SLC24A2: variants seen among roughly 807,000 people sequenced by gnomAD.
The protein encoded by SLC24A2 is solute carrier family 24 member 2, also known as sodium/potassium/calcium exchanger 2.
SLC24A2 carries 36 observed loss-of-function variants against 62.0 expected under a neutral mutation model. The ratio of observed to expected loss-of-function variants is 0.58; its 90% CI spans 0.44 to 0.77. SLC24A2 has a LOEUF of 0.77. Among genes scored for constraint, SLC24A2 ranks in the 30% least tolerant of loss-of-function variants. The pLI, the probability that SLC24A2 is intolerant of heterozygous loss-of-function variation, is 0.00. For missense variants in SLC24A2, 846 were observed against 817.9 expected (o/e 1.03, Z -0.42); for synonymous variants, 358 against 294.0 (o/e 1.22, Z -2.23).
At chr9:19,774,570 G>A (rs577591203) in intron 2 of SLC24A2, among the ~76,000 whole-genome samples, 1 of 152,318 alleles carries the variant, frequency 6.6e-6, no homozygotes, top group East Asian at 1.9e-4. Flanking sequence ...CTCAGCCTAT[G>A]TAAGTTGCTA....
intron 2 of SLC24A2, among the ~76,000 whole-genome samples, chr9:19,697,047 A>T (rs1337162228): frequency 2.0e-5 from 3 of 152,148 alleles, no homozygotes; most frequent in Non-Finnish European, 4.4e-5. Context: ...ATTGCTAAAA[A>T]GTGTAACTGA....
chr9:19,796,614 T>G, the SLC24A2 span, among the ~76,000 whole-genome samples: 1 of 152,270 alleles, frequency 6.6e-6, no homozygotes, highest in Admixed American at 6.5e-5. Context: ...ACTCCCATAC[T>G]CTATTTTCAA....
intron 2 of SLC24A2, among the ~76,000 whole-genome samples, chr9:19,763,075 T>C (rs1822393262): frequency 6.6e-6 from 1 of 152,184 alleles, no homozygotes; most frequent in South Asian, 2.1e-4. Context: ...TTATTCTCTT[T>C]GTAGCAACTG....
At chr9:20,245,580 C>T in the SLC24A2 span, among the ~76,000 whole-genome samples, 1 of 152,142 alleles carries the variant, frequency 6.6e-6, no homozygotes, top group African/African-American at 2.4e-5. Context: ...ACCCCCAAGC[C>T]ATGGTGAGGA....
chr9:19,574,614 T>C (rs1405599026), intron 6 of SLC24A2, among the ~76,000 whole-genome samples: 2 of 25,524 alleles, frequency 7.8e-5, no homozygotes, highest in Non-Finnish European at 1.6e-4. Flanking sequence ...AGAAAATGCA[T>C]ATAAAACACT....
At chr9:20,223,302 A>G in the SLC24A2 span, among the ~76,000 whole-genome samples, 3,390 of 152,298 alleles carry the variant, frequency 0.022, 133 homozygotes, top group African/African-American at 0.076. Flanking sequence ...ATCCAATATC[A>G]TAAAGATATC....
the SLC24A2 span, among the ~76,000 whole-genome samples, chr9:20,234,344 C>G: frequency 6.6e-6 from 1 of 152,206 alleles, no homozygotes; most frequent in Admixed American, 6.5e-5. Flanking sequence ...TTCCATTCTC[C>G]CCGTCACTTT....
the SLC24A2 span, among the ~76,000 whole-genome samples, chr9:20,021,630 T>C: frequency 7.2e-5 from 11 of 152,102 alleles, no homozygotes; most frequent in Non-Finnish European, 7.4e-5. Context: ...ACAGGTTCAG[T>C]ATAATCTCCT....
rs146446443 is a variant in SLC24A2, at chr9:19,515,467, G to C, written c.*686C>G. 1 of 152,248 alleles carries C rather than the reference G, an allele frequency of 6.6e-6. No individual in the cohort carries two copies. Among genetic ancestry groups the C allele is most frequent in the East Asian group, 1.9e-4 (1 of 5,180 alleles). 9.4% of individuals were successfully genotyped at this position (152,248 alleles called of 1,614,324 possible). A position where few individuals can be genotyped will look rare whatever the true frequency, so the allele number is the denominator to read the frequency against. On this transcript the variant is annotated 3_prime_UTR_variant, in exon 11 of 11. Transcript: ENST00000341998. ...CTCCACTAAGCCCTCCTCCCTGCAA[G>C]CTATTTCCCTAAACCATCTACCTTA... is the stretch of plus-strand genomic sequence containing the variant.
intron 2 of SLC24A2, among the ~76,000 whole-genome samples, chr9:19,717,258 C>A (rs374285610): frequency 7.2e-5 from 11 of 152,284 alleles, no homozygotes; most frequent in African/African-American, 2.6e-4. Flanking sequence ...TGCTGGTTCA[C>A]TGATTCTCAA....
chr9:20,029,596 T>A, the SLC24A2 span, among the ~76,000 whole-genome samples: 1 of 152,226 alleles, frequency 6.6e-6, no homozygotes, highest in African/African-American at 2.4e-5. Context: ...AAAACAACCA[T>A]AGTCAAACAC....
At chr9:19,699,200 C>G (rs2118515115) in intron 2 of SLC24A2, among the ~76,000 whole-genome samples, 1 of 152,226 alleles carries the variant, frequency 6.6e-6, no homozygotes, top group East Asian at 1.9e-4. Context: ...AGCATATAAA[C>G]AAACGTGGAA....
the SLC24A2 span, among the ~76,000 whole-genome samples, chr9:20,293,324 C>T: frequency 6.6e-6 from 1 of 152,166 alleles, no homozygotes; most frequent in Non-Finnish European, 1.5e-5. Context: ...GGTTGGCTCC[C>T]AAAGAGGGCC....
intron 2 of SLC24A2, among the ~76,000 whole-genome samples, chr9:19,644,051 A>G (rs1008715451): frequency 6.6e-6 from 1 of 152,254 alleles, no homozygotes; most frequent in Non-Finnish European, 1.5e-5. Context: ...TTTCACAACT[A>G]AAGACATTCC....
At chr9:20,041,396 C>T in the SLC24A2 span, among the ~76,000 whole-genome samples, 9 of 152,220 alleles carry the variant, frequency 5.9e-5, no homozygotes, top group Admixed American at 1.3e-4. Context: ...GTCTCTGTTC[C>T]GCCTGCTGTG....
chr9:19,794,734 G>T, the SLC24A2 span, among the ~76,000 whole-genome samples: 1 of 152,052 alleles, frequency 6.6e-6, no homozygotes, highest in Non-Finnish European at 1.5e-5. Flanking sequence ...GTCCCCCAGG[G>T]TGCTTCCTTG....
At chr9:19,808,398 G>T in the SLC24A2 span, among the ~76,000 whole-genome samples, 1 of 152,146 alleles carries the variant, frequency 6.6e-6, no homozygotes, top group Non-Finnish European at 1.5e-5. The surrounding 1 kb of genome is among the most constrained non-coding windows in gnomAD (Gnocchi z 4.1). Context: ...TTTGACTATA[G>T]AATTCTTTGC....
chr9:20,284,502 A>G, the SLC24A2 span, among the ~76,000 whole-genome samples: 1 of 149,018 alleles, frequency 6.7e-6, no homozygotes. Context: ...TCAACCCCTC[A>G]TTTAGCCATG....
the SLC24A2 span, among the ~76,000 whole-genome samples, chr9:20,106,867 G>A: frequency 6.6e-6 from 1 of 152,024 alleles, no homozygotes; most frequent in South Asian, 2.1e-4. Flanking sequence ...GGCAGGAGAA[G>A]GAAATAAAGG....
Sources: gnomAD v4.1 joint callset for allele counts (sites outside exome capture counted in the v4.1 genomes callset) on GRCh38, gnomAD v4.1.1 for gene constraint, Gnocchi (gnomAD v3.1) non-coding constraint, MANE v1.5 for transcripts, NCBI Gene and HGNC (gene_info 2026-07-23, HGNC 2026-07-21) for gene names.